The following THOP1 variants were observed in gnomAD, a reference collection of about 807,000 sequenced individuals.
THOP1 encodes the protein thimet oligopeptidase 1, also known as thimet oligopeptidase.
THOP1 carries 49 observed loss-of-function variants against 71.8 expected under a neutral mutation model. The observed-to-expected ratio is 0.68, with a 90% CI of 0.54 to 0.87. THOP1 has a LOEUF of 0.87. Among genes scored for constraint, THOP1 ranks in the 40% least tolerant of loss-of-function variants. THOP1 has a pLI of 0.00. For missense variants in THOP1, 843 were observed against 975.6 expected, an observed-to-expected ratio of 0.86 and a Z score of 1.81; for synonymous variants, 426 against 421.5, an observed-to-expected ratio of 1.01 and a Z score of -0.13.
chr19:2,799,924 G>C, intron 5 of THOP1, 133 bp downstream of exon 5: 1 of 756,428 alleles, frequency 1.3e-6, no homozygotes, highest in Non-Finnish European at 2.1e-6. Flanking sequence ...GAAGTACGTG[G>C]ACCTGACCGC....
chr19:2,802,619 C>T (rs1916182141), intron 5 of THOP1, among the ~76,000 whole-genome samples: 1 of 152,088 alleles, frequency 6.6e-6, no homozygotes, highest in Admixed American at 6.6e-5. Context: ...CCCGACACCA[C>T]CATCTCTGGC....
rs1183839819 is a variant in THOP1, at chr19:2,805,874, C to T, written c.750+698C>T. ...GGGGACGGGCGGGTGCCCATCACTGCGGGGGGACGGGCGGGTGCCCATCAC... is the reference window on the plus strand; with the variant it reads ...GGGGACGGGCGGGTGCCCATCACTGTGGGGGGACGGGCGGGTGCCCATCAC... On this transcript the variant is annotated intron_variant, in intron 6 of 12. Transcript: ENST00000307741. The surrounding 1 kb of genome is among the most constrained non-coding windows in gnomAD (Gnocchi z 6.6). 2 of 119,276 alleles carry T rather than the reference C, an allele frequency of 1.7e-5. No individual in the cohort carries two copies. Among genetic ancestry groups the T allele is most frequent in the African/African-American group, 6.4e-5 (2 of 31,450 alleles). 7.4% of individuals were successfully genotyped at this position (119,276 alleles called of 1,614,324 possible). A position where few individuals can be genotyped will look rare whatever the true frequency, so the allele number is the denominator to read the frequency against.
rs1228958236 is a variant in THOP1, at chr19:2,815,045, G to C, written c.*1769G>C. On this transcript the variant is annotated 3_prime_UTR_variant, in exon 13 of 13. Coordinates refer to ENST00000307741, the MANE Select transcript of THOP1 (RefSeq NM_003249.5). ...CACTGCAGCCTGGGCAACAGAGCAA[G>C]ACTGTCTCTAAAATAACAATAATAA... The C allele has an allele frequency of 6.6e-6, 1 of 152,388 alleles. No homozygotes were observed. The highest frequency in any genetic ancestry group is 1.9e-4 in the East Asian group (1 of 5,200). The allele number at this position is 152,388 out of a possible 1,614,324, so 9.4% of individuals were successfully genotyped here.
chr19:2,793,774 C>T (rs1448155022), intron 2 of THOP1, among the ~76,000 whole-genome samples: 1 of 152,210 alleles, frequency 6.6e-6, no homozygotes, highest in Non-Finnish European at 1.5e-5. Flanking sequence ...GCTGCATCCA[C>T]ACCGCAGCCT....
At position 2,805,228 on chromosome 19, in the gene THOP1, G is replaced by A. The variant is rs1025717350; in HGVS notation, c.750+52G>A. ...AGAACAGTGGGTCTGGAGCTTGTGGGGCCCGTCTGCTCCATGTGTGTGAGG... is the reference window on the plus strand; with the variant it reads ...AGAACAGTGGGTCTGGAGCTTGTGGAGCCCGTCTGCTCCATGTGTGTGAGG... On this transcript the variant is annotated intron_variant, in intron 6 of 12. Coordinates refer to ENST00000307741, the MANE Select transcript of THOP1 (RefSeq NM_003249.5). This position sits in a 1 kb window ranked among gnomAD's most constrained non-coding sequence, Gnocchi z 6.6. 1.1e-5 allele frequency: 17 copies of A among 1,564,452 alleles called. No homozygotes were observed. Among genetic ancestry groups the A allele is most frequent in the Non-Finnish European group, 1.4e-5 (16 of 1,155,906 alleles).
rs375968589 is a variant in THOP1 at position 2,794,931 on chromosome 19, G to T, written c.378+19G>T. 2.8e-5 allele frequency: 45 copies of T among 1,599,886 alleles called. No homozygotes were observed. In the African/African-American group the frequency reaches 6.0e-4, roughly 21 times the overall value. On this transcript the variant is annotated intron_variant, in intron 3 of 12. Transcript: ENST00000307741. ...GCTCCAGGTGAGGGGGCCCTGCGGG[G>T]AGTGCAAATAGCCTCCCAAGTAACT...
chr19:2,785,580 G>C lies in THOP1; in HGVS notation c.-83G>C, dbSNP rs573606375. The stretch of plus-strand genomic sequence containing the variant: ...GCGGCGGTGGCGGCGGTTGGGCCGA[G>C]GCAGGCGGCCTCAGTGGCCGAGGTG... On this transcript the variant is annotated 5_prime_UTR_variant, in exon 1 of 13. Coordinates refer to ENST00000307741, the MANE Select transcript of THOP1 (RefSeq NM_003249.5). The C allele has an allele frequency of 6.0e-5, 87 of 1,451,226 alleles. No individual in the cohort carries two copies. The highest frequency in any genetic ancestry group is 5.1e-4 in the South Asian group (38 of 74,718). 89.9% of individuals were successfully genotyped at this position (1,451,226 alleles called of 1,614,324 possible).
At position 2,805,259 on chromosome 19, in the gene THOP1, C is replaced by T; in HGVS notation, c.750+83C>T. ...TCTGCTCCATGTGTGTGAGGCACCT[C>T]CAGGCTTTGCACTTGGATGGCCTCC... On this transcript the variant is annotated intron_variant, in intron 6 of 12. Transcript: ENST00000307741. The surrounding 1 kb of genome is among the most constrained non-coding windows in gnomAD (Gnocchi z 6.6). 4 of 1,450,974 alleles carry T rather than the reference C, an allele frequency of 2.8e-6. No individual in the cohort carries two copies. Among genetic ancestry groups the T allele is most frequent in the Non-Finnish European group, 3.7e-6 (4 of 1,089,004 alleles). The allele number at this position is 1,450,974 out of a possible 1,614,324, so 89.9% of individuals were successfully genotyped here.
intron 6 of THOP1, 40 bp from the exon 7 acceptor site, chr19:2,806,877 G>A: frequency 6.2e-7 from 1 of 1,611,912 alleles, no homozygotes; most frequent in Non-Finnish European, 8.5e-7. Context: ...GGTGGAGGGA[G>A]TGGCGCCCCT....
chr19:2,812,058 C>A, intron 12 of THOP1: 2 of 1,175,862 alleles, frequency 1.7e-6, no homozygotes, highest in Non-Finnish European at 2.3e-6. Flanking sequence ...AGGCCTCGGG[C>A]TGTGAGTGCT....
chr19:2,795,953 A>C (rs1916002837), intron 3 of THOP1, 128 bp from the exon 4 acceptor site: 1 of 647,510 alleles, frequency 1.5e-6, no homozygotes, highest in South Asian at 1.8e-5. Context: ...CTCTGAGATA[A>C]ATGCCCAGGA....
Position 2,795,644 on chromosome 19 carries a change from G to C in THOP1, c.379-437G>C, listed in dbSNP as rs574779074. Among the ~76,000 whole-genome samples the C allele has an allele frequency of 4.6e-5, 7 of 152,266 alleles. No individual in the cohort carries two copies. In the East Asian group the frequency reaches 1.2e-3, roughly 25 times the overall value. Reference sequence around the variant, plus strand: ...TTGCCCACGCTTGTCTCGAACTCCTGGGCCCACGCAATCCTCCCACCTCCA... The same window carrying C: ...TTGCCCACGCTTGTCTCGAACTCCTCGGCCCACGCAATCCTCCCACCTCCA... On this transcript the variant is annotated intron_variant, in intron 3 of 12. Coordinates refer to ENST00000307741, the MANE Select transcript of THOP1 (RefSeq NM_003249.5).
At chr19:2,788,886 G>T (rs1915811097) in intron 1 of THOP1, among the ~76,000 whole-genome samples, 1 of 151,960 alleles carries the variant, frequency 6.6e-6, no homozygotes, top group Admixed American at 6.6e-5. Flanking sequence ...TCGGCCTCCA[G>T]AGTAGCTAGG....
At chr19:2,788,638 C>T (rs576720017) in intron 1 of THOP1, among the ~76,000 whole-genome samples, 1 of 152,322 alleles carries the variant, frequency 6.6e-6, no homozygotes, top group East Asian at 1.9e-4. Context: ...GCCACCACAC[C>T]CAGCTAATTT....
At chr19:2,799,843 C>G (rs779540368) in intron 5 of THOP1, 52 bp downstream of exon 5, 2 of 1,490,184 alleles carry the variant, frequency 1.3e-6, no homozygotes, top group Non-Finnish European at 1.9e-6. Context: ...GGACTCAGTG[C>G]AGGCCTGCCA....
chr19:2,797,038 C>T (rs1265662777), intron 4 of THOP1, among the ~76,000 whole-genome samples: 2 of 152,202 alleles, frequency 1.3e-5, no homozygotes, highest in African/African-American at 4.8e-5. Flanking sequence ...TGTCACAGTT[C>T]CCAGGAACTG....
At chr19:2,812,481 C>T (rs1219597526) in intron 12 of THOP1, 2 of 1,286,304 alleles carry the variant, frequency 1.6e-6, no homozygotes, top group Non-Finnish European at 2.0e-6. Context: ...CACAGCCCAG[C>T]AGGGACCTCC....
At chr19:2,795,353 T>C (rs1016774936) in intron 3 of THOP1, among the ~76,000 whole-genome samples, 30 of 152,376 alleles carry the variant, frequency 2.0e-4, no homozygotes, top group African/African-American at 7.2e-4. Context: ...CCTGGCGGCA[T>C]GGCTGCGTGG....
chr19:2,793,348 G>A (rs1024313123), intron 2 of THOP1, among the ~76,000 whole-genome samples: 15 of 151,960 alleles, frequency 9.9e-5, no homozygotes, highest in Non-Finnish European at 1.8e-4. Flanking sequence ...TGGCACCCAC[G>A]CGTCCCCTCC....
Sources: gnomAD v4.1 joint callset for allele counts (sites outside exome capture counted in the v4.1 genomes callset) on GRCh38, gnomAD v4.1.1 for gene constraint, Gnocchi (gnomAD v3.1) non-coding constraint, MANE v1.5 for transcripts, NCBI Gene and HGNC (gene_info 2026-07-23, HGNC 2026-07-21) for gene names.